Variants in CSF2RA observed in about 807,000 individuals in gnomAD.
CSF2RA encodes the protein colony stimulating factor 2 receptor subunit alpha.
A neutral mutation model predicts 51.6 loss-of-function variants in CSF2RA; 42 were observed. The observed-to-expected ratio is 0.81, with a 90% CI of 0.64 to 1.05. The LOEUF (loss-of-function observed/expected upper bound fraction) is 1.05. Ranked by LOEUF, CSF2RA falls within the 50% of genes least tolerant of loss-of-function variation. CSF2RA has a pLI of 0.00. For synonymous variants in CSF2RA, 222 were observed against 193.0 expected, an observed-to-expected ratio of 1.15 and a Z score of -1.24; for missense variants, 530 against 501.1, an observed-to-expected ratio of 1.06 and a Z score of -0.55.
chrX:1,280,690 C>G (rs1172539453), intron 2 of CSF2RA, among the ~76,000 whole-genome samples: 1 of 146,474 alleles, frequency 6.8e-6, no homozygotes, highest in African/African-American at 2.5e-5. Flanking sequence ...TTCTTCTTCT[C>G]TTCTTTCTTC....
chrX:1,317,255 T>TTTTATTTTA, the CSF2RA span, among the ~76,000 whole-genome samples: 1 of 118,272 alleles, frequency 8.5e-6, no homozygotes, highest in African/African-American at 3.3e-5. Flanking sequence ...GCTTTTTTTT[T>TTTTATTTTA]TTTTTTTTTT....
intron 3 of CSF2RA, among the ~76,000 whole-genome samples, chrX:1,283,824 C>G (rs2090333323): frequency 6.6e-6 from 1 of 152,008 alleles, no homozygotes; most frequent in East Asian, 1.9e-4. Context: ...GTGCCTCGGC[C>G]TCCCAAAGTG....
chrX:1,321,687 G>A, the CSF2RA span, among the ~76,000 whole-genome samples: 1 of 152,042 alleles, frequency 6.6e-6, no homozygotes, highest in South Asian at 2.1e-4. Context: ...GGAGCTAAAC[G>A]GACTGCAAAA....
chrX:1,294,840 G>A (rs868371968), intron 8 of CSF2RA, among the ~76,000 whole-genome samples: 4 of 30,684 alleles, frequency 1.3e-4, no homozygotes, highest in African/African-American at 4.3e-4. Flanking sequence ...GAGGACACCC[G>A]ACCCCACCTC....
At chrX:1,306,369 G>A (rs1383481990) in intron 12 of CSF2RA, among the ~76,000 whole-genome samples, 10 of 151,754 alleles carry the variant, frequency 6.6e-5, no homozygotes, top group African/African-American at 2.4e-4. Flanking sequence ...GGCGGGGGCC[G>A]GTCGCGGTGA....
At chrX:1,314,243 CCA>C (rs1569514671), downstream of CSF2RA, among the ~76,000 whole-genome samples, 56 of 35,348 alleles carry the variant, frequency 1.6e-3, 2 homozygotes, top group African/African-American at 6.4e-3. Context: ...CTGCCCAACC[CCA>C]CTGCACCTGC....
At chrX:1,275,175 GA>G (rs1216107973) in intron 2 of CSF2RA, among the ~76,000 whole-genome samples, 1 of 151,586 alleles carries the variant, frequency 6.6e-6, no homozygotes, top group Non-Finnish European at 1.5e-5. Context: ...GGGGGATCAT[GA>G]GGTCAGGAGT....
chrX:1,304,402 A>G (rs2083338555), intron 11 of CSF2RA, among the ~76,000 whole-genome samples: 2 of 147,002 alleles, frequency 1.4e-5, no homozygotes, highest in East Asian at 4.2e-4. Context: ...TCCATCTCAA[A>G]ACAAACAAAA....
downstream of CSF2RA, among the ~76,000 whole-genome samples, chrX:1,311,230 C>G (rs112541301): frequency 0.02 from 2,915 of 148,672 alleles, 86 homozygotes; most frequent in African/African-American, 0.069. Flanking sequence ...GCCTGGGCAA[C>G]AGAGTTAGAT....
At chrX:1,314,592 ACCT>A (rs2084423226), downstream of CSF2RA, among the ~76,000 whole-genome samples, 2 of 11,834 alleles carry the variant, frequency 1.7e-4, no homozygotes, top group African/African-American at 2.5e-4. Context: ...ACCCCACTGC[ACCT>A]GCCCAACCCC....
Position 1,286,570 on chromosome X carries a change from CAA to C in CSF2RA, c.219+664_219+665del, listed in dbSNP as rs751865388. Among the ~76,000 whole-genome samples the C allele has an allele frequency of 4.3e-3, 620 of 142,850 alleles. 2 individuals are homozygous for C. Among genetic ancestry groups the C allele is most frequent in the African/African-American group, 0.013 (495 of 39,270 alleles). The allele number at this position is 142,850 out of a possible 152,430, so 93.7% of individuals were successfully genotyped here. A position where few individuals can be genotyped will look rare whatever the true frequency, so the allele number is the denominator to read the frequency against. ...GGCAACAAGAGCAAAACTCTGTCTC[CAA>C]AAAAAAAAAAAAATAATAAATTCAA... On this transcript the variant is annotated intron_variant, in intron 4 of 12. Coordinates refer to ENST00000381529, the MANE Select transcript of CSF2RA (RefSeq NM_172245.4).
At chrX:1,305,753 T>A (rs192363753) in intron 12 of CSF2RA, 1 of 1,551,568 alleles carries the variant, frequency 6.4e-7, no homozygotes, top group African/African-American at 1.4e-5. Context: ...CAGGAGAAAC[T>A]GAGGCAGGGT....
intron 5 of CSF2RA, 47 bp from the exon 6 acceptor site, chrX:1,288,712 C>T: frequency 6.2e-7 from 1 of 1,613,888 alleles, no homozygotes; most frequent in Non-Finnish European, 8.5e-7. Flanking sequence ...AAAGTACATC[C>T]CGTTGAACTT....
At chrX:1,276,092 C>T (rs1458116720) in intron 2 of CSF2RA, among the ~76,000 whole-genome samples, 3 of 149,910 alleles carry the variant, frequency 2.0e-5, no homozygotes, top group East Asian at 2.0e-4. Flanking sequence ...CCTCTGCCTC[C>T]GGAGCTGAAG....
the CSF2RA span, among the ~76,000 whole-genome samples, chrX:1,323,851 A>G: frequency 6.6e-6 from 1 of 151,776 alleles, no homozygotes; most frequent in Non-Finnish European, 1.5e-5. Flanking sequence ...CGTCTCTAAT[A>G]AAAATACAAA....
the CSF2RA span, among the ~76,000 whole-genome samples, chrX:1,322,862 G>A: frequency 1.5e-4 from 23 of 152,136 alleles, 1 homozygote; most frequent in Admixed American, 6.6e-4. Context: ...GGGCGCGGTG[G>A]CTCACGCCTG....
In CSF2RA at chrX:1,288,928, G is replaced by A. The variant is rs760314352; in HGVS notation, c.473+40G>A. The A allele has an allele frequency of 5.6e-6, 9 of 1,612,066 alleles. No individual in the cohort carries two copies. In the African/African-American group the frequency reaches 9.3e-5, roughly 17 times the overall value. Reference sequence around the variant, plus strand: ...CATGTGAAGAATTATGAGGAATGCAGGGATGGGAGAAAAAATCATGCTGGT... The same window carrying A: ...CATGTGAAGAATTATGAGGAATGCAAGGATGGGAGAAAAAATCATGCTGGT... On this transcript the variant is annotated intron_variant, in intron 6 of 12. Transcript: ENST00000381529.
intron 4 of CSF2RA, among the ~76,000 whole-genome samples, chrX:1,287,676 T>C (rs2090904982): frequency 7.4e-6 from 1 of 134,714 alleles, no homozygotes; most frequent in Non-Finnish European, 1.6e-5. Flanking sequence ...ACTCCTGACC[T>C]CAAGTGATCC....
intron 12 of CSF2RA, among the ~76,000 whole-genome samples, chrX:1,306,571 C>G (rs2148679265): frequency 6.6e-6 from 1 of 152,016 alleles, no homozygotes; most frequent in East Asian, 1.9e-4. Flanking sequence ...CACTTGAACC[C>G]AGGAGGCGGA....
Sources: gnomAD v4.1 joint callset for allele counts (sites outside exome capture counted in the v4.1 genomes callset) on GRCh38, gnomAD v4.1.1 for gene constraint, MANE v1.5 for transcripts, NCBI Gene and HGNC (gene_info 2026-07-23, HGNC 2026-07-21) for gene names.